Variants in FYN observed in about 807,000 individuals in gnomAD.
FYN encodes the protein FYN proto-oncogene, Src family tyrosine kinase.
FYN carries 10 observed loss-of-function variants against 70.2 expected under a neutral mutation model. The observed-to-expected ratio is 0.14, with a 90% CI of 0.09 to 0.24. The LOEUF (loss-of-function observed/expected upper bound fraction) is 0.24, where lower values mean the gene tolerates loss of function less well. FYN is among the 10% of genes least tolerant of loss of function. The pLI is 1.00. For synonymous variants in FYN, 236 were observed against 248.6 expected (o/e 0.95, Z 0.48); for missense variants, 319 against 673.1 (o/e 0.47, Z 5.82).
chr6:111,872,867 C>A (rs1270589437), intron 1 of FYN, 101 bp downstream of exon 1: 1 of 151,184 alleles, frequency 6.6e-6, no homozygotes, highest in South Asian at 2.1e-4. Flanking sequence ...ACCGCAGCAC[C>A]GGGCCCTGCG....
At chr6:111,793,275 G>A (rs912794568) in intron 2 of FYN, among the ~76,000 whole-genome samples, 1 of 152,080 alleles carries the variant, frequency 6.6e-6, no homozygotes, top group Non-Finnish European at 1.5e-5. Flanking sequence ...GAAGCAAATA[G>A]TCTCAAAATA....
At chr6:111,862,822 A>G (rs1774000783) in intron 1 of FYN, among the ~76,000 whole-genome samples, 1 of 152,168 alleles carries the variant, frequency 6.6e-6, no homozygotes, top group South Asian at 2.1e-4. Flanking sequence ...AGATTGGGGG[A>G]AGCTTTTGAG....
chr6:111,673,975 T>TG (rs11406274), intron 13 of FYN, among the ~76,000 whole-genome samples: 73,833 of 152,008 alleles, frequency 0.49, 18,373 homozygotes, highest in East Asian at 0.59. Context: ...AGGCAGTGAG[T>TG]GGCTCTAAAT....
chr6:111,728,727 T>C (rs1264675611), intron 3 of FYN, among the ~76,000 whole-genome samples: 2 of 152,228 alleles, frequency 1.3e-5, no homozygotes, highest in East Asian at 1.9e-4. Flanking sequence ...ATATACCAGA[T>C]GTTGTTTATC....
chr6:111,723,215 A>C (rs988144841), intron 3 of FYN, among the ~76,000 whole-genome samples: 25 of 152,216 alleles, frequency 1.6e-4, no homozygotes, highest in African/African-American at 5.5e-4. Flanking sequence ...ATAATAAGCA[A>C]CTAGCAGCTT....
chr6:111,661,835 G>A lies in FYN; in HGVS notation c.1518C>T (p.Asp506=), dbSNP rs28763975. 2.8e-5 allele frequency: 45 copies of A among 1,614,182 alleles called. No individual in the cohort carries two copies. In the African/African-American group the frequency reaches 4.7e-4, roughly 17 times the overall value. Residue 506 remains aspartate (D), a synonymous_variant, in exon 14 of 14, where the codon GAC becomes GAT. Transcript: ENST00000354650. The surrounding 1 kb of genome is among the most constrained non-coding windows in gnomAD (Gnocchi z 4.0). ...HELMIHCWKK[D]PEERPTFEYL... ...ACTCAAAAGTGGGGCGTTCTTCAGG[G>A]TCCTTTTTCCAGCAGTGGATCATGA... is the stretch of plus-strand genomic sequence containing the variant.
chr6:111,665,419 G>T (rs1373300684), intron 13 of FYN, among the ~76,000 whole-genome samples: 2 of 151,778 alleles, frequency 1.3e-5, no homozygotes, highest in Non-Finnish European at 2.9e-5. Context: ...TTTCTTCTTA[G>T]ATGGTTTCAT....
chr6:111,766,852 A>G (rs1052020852), intron 3 of FYN, among the ~76,000 whole-genome samples: 2 of 152,156 alleles, frequency 1.3e-5, no homozygotes, highest in African/African-American at 4.8e-5. Flanking sequence ...ACAATTCAAG[A>G]TGAGATCTGG....
intron 3 of FYN, among the ~76,000 whole-genome samples, chr6:111,755,409 TA>T: frequency 6.6e-6 from 1 of 152,160 alleles, no homozygotes; most frequent in Non-Finnish European, 1.5e-5. Context: ...ATCAGAATTT[TA>T]AGGGCAAAGT....
At chr6:111,668,925 T>A (rs1433341080) in intron 13 of FYN, among the ~76,000 whole-genome samples, 1 of 152,166 alleles carries the variant, frequency 6.6e-6, no homozygotes, top group African/African-American at 2.4e-5. Context: ...CCTGTTGTTA[T>A]GTTGAACACA....
chr6:111,823,208 T>C (rs1175059429), intron 2 of FYN, among the ~76,000 whole-genome samples: 1 of 152,186 alleles, frequency 6.6e-6, no homozygotes, highest in Non-Finnish European at 1.5e-5. Flanking sequence ...AGGCTACAGG[T>C]GTGGGGACCC....
chr6:111,670,355 T>A (rs1798211441), intron 13 of FYN, among the ~76,000 whole-genome samples: 1 of 152,192 alleles, frequency 6.6e-6, no homozygotes, highest in South Asian at 2.1e-4. Flanking sequence ...GGTCTTCTAC[T>A]CACCAGTGAG....
At chr6:111,731,532 C>G (rs1380075910) in intron 3 of FYN, among the ~76,000 whole-genome samples, 1 of 152,208 alleles carries the variant, frequency 6.6e-6, no homozygotes, top group Non-Finnish European at 1.5e-5. Context: ...AGTCCCCCGG[C>G]CCCTGGGTCT....
chr6:111,823,365 A>T (rs1405706945), intron 2 of FYN, among the ~76,000 whole-genome samples: 4 of 152,180 alleles, frequency 2.6e-5, no homozygotes, highest in Admixed American at 6.5e-5. Context: ...ATCTGCATTT[A>T]AAAAAATGTG....
intron 12 of FYN, among the ~76,000 whole-genome samples, chr6:111,685,941 C>T (rs919654290): frequency 2.6e-5 from 4 of 152,166 alleles, no homozygotes; most frequent in Non-Finnish European, 5.9e-5. Flanking sequence ...CCATTTGTAT[C>T]CTCTGGGCAG....
At chr6:111,872,650 G>A (rs1398238420) in intron 1 of FYN, among the ~76,000 whole-genome samples, 1 of 152,086 alleles carries the variant, frequency 6.6e-6, no homozygotes, top group African/African-American at 2.4e-5. Context: ...GGCCCCAAAA[G>A]GAGGGCGGGG....
intron 2 of FYN, among the ~76,000 whole-genome samples, chr6:111,809,151 T>C (rs573201709): frequency 6.6e-6 from 1 of 152,278 alleles, no homozygotes; most frequent in Non-Finnish European, 1.5e-5. Flanking sequence ...AAATAAAATA[T>C]ATGATTTTCC....
At chr6:111,732,572 C>T (rs1017843144) in intron 3 of FYN, among the ~76,000 whole-genome samples, 1 of 152,210 alleles carries the variant, frequency 6.6e-6, no homozygotes, top group Non-Finnish European at 1.5e-5. Context: ...CCACCCTCCT[C>T]CATCATAATA....
At chr6:111,789,229 T>C (rs948651505) in intron 2 of FYN, among the ~76,000 whole-genome samples, 1 of 152,166 alleles carries the variant, frequency 6.6e-6, no homozygotes, top group African/African-American at 2.4e-5. Context: ...AAGGCACCAA[T>C]ATAAGCTCAT....
Sources: allele counts gnomAD v4.1 joint callset (sites outside exome capture counted in the v4.1 genomes callset), GRCh38; gene constraint gnomAD v4.1.1; non-coding constraint Gnocchi (gnomAD v3.1); transcripts MANE v1.5; gene names NCBI Gene and HGNC (gene_info 2026-07-23, HGNC 2026-07-21).